The following RBFOX1 variants were observed in gnomAD, a reference collection of about 807,000 sequenced individuals.
RBFOX1 encodes the protein RNA binding fox-1 homolog 1, also known as RNA binding protein fox-1 homolog 1.
RBFOX1 carries 8 observed loss-of-function variants against 57.7 expected under a neutral mutation model. The ratio of observed to expected loss-of-function variants is 0.14; its 90% confidence interval spans 0.08 to 0.25. The LOEUF (loss-of-function observed/expected upper bound fraction) is 0.25, where lower values mean the gene tolerates loss of function less well. RBFOX1 is among the 10% of genes least tolerant of loss of function. The probability of loss-of-function intolerance (pLI) is 1.00; values close to 1 mark genes in which losing one functional copy is unlikely to be tolerated. For synonymous variants in RBFOX1, 326 were observed against 222.4 expected, an observed-to-expected ratio of 1.47 and a Z score of -4.15; for missense variants, 611 against 548.5, an observed-to-expected ratio of 1.11 and a Z score of -1.14.
chr16:5,631,162 A>C (rs1235404988), intron 3 of RBFOX1, among the ~76,000 whole-genome samples: 1 of 152,212 alleles, frequency 6.6e-6, no homozygotes, highest in African/African-American at 2.4e-5. Context: ...AGTATGTCGG[A>C]ATTTGCTCTG....
intron 3 of RBFOX1, among the ~76,000 whole-genome samples, chr16:5,719,160 C>G (rs1053777954): frequency 6.6e-6 from 1 of 151,028 alleles, no homozygotes; most frequent in Admixed American, 6.6e-5. Context: ...CTTAGCGTAT[C>G]TACGGAGTTG....
intron 2 of RBFOX1, among the ~76,000 whole-genome samples, chr16:5,580,787 G>C (rs915482479): frequency 6.6e-6 from 1 of 152,170 alleles, no homozygotes; most frequent in Non-Finnish European, 1.5e-5. Context: ...TCCAGCGAAG[G>C]GCAATCCAGA....
Position 7,374,634 on chromosome 16 carries a change from A to C in RBFOX1, c.28-143513A>C, listed in dbSNP as rs554557140. 1.8e-4 allele frequency among the ~76,000 whole-genome samples: 27 copies of C among 152,194 alleles called. 1 individual carries two copies. The highest frequency in any genetic ancestry group is 2.8e-4 in the Non-Finnish European group (19 of 68,044). ...AAGGGTGATTGTCATGTCCAAACTAAAAACAAAAAAATTAAAAATAAAAAA... is the reference window on the plus strand; with the variant it reads ...AAGGGTGATTGTCATGTCCAAACTACAAACAAAAAAATTAAAAATAAAAAA... On this transcript the variant is annotated intron_variant, in intron 4 of 15. Transcript: ENST00000550418.
chr16:5,530,931 T>TAAAAAAAAAA (rs2044443319), intron 2 of RBFOX1, among the ~76,000 whole-genome samples: 2 of 88,120 alleles, frequency 2.3e-5, no homozygotes, highest in African/African-American at 6.8e-5. Flanking sequence ...CTACTAAAAA[T>TAAAAAAAAAA]ATAAAAAAAA....
chr16:7,655,065 C>T (rs1185017271), intron 12 of RBFOX1, among the ~76,000 whole-genome samples: 1 of 152,252 alleles, frequency 6.6e-6, no homozygotes, highest in South Asian at 2.1e-4. Flanking sequence ...GGGTTAAATG[C>T]CCTTTTCATA....
At chr16:7,224,821 A>G (rs1282112280) in intron 4 of RBFOX1, among the ~76,000 whole-genome samples, 1 of 152,150 alleles carries the variant, frequency 6.6e-6, no homozygotes. Context: ...AACTGTTAGA[A>G]ATGCAGACTG....
intron 11 of RBFOX1, among the ~76,000 whole-genome samples, chr16:7,645,704 G>A (rs1221543909): frequency 6.6e-6 from 1 of 152,156 alleles, no homozygotes; most frequent in Non-Finnish European, 1.5e-5. Context: ...CCTATTCAAT[G>A]CATTTCAAAT....
At chr16:5,783,141 A>C (rs543833003) in intron 3 of RBFOX1, among the ~76,000 whole-genome samples, 1 of 149,960 alleles carries the variant, frequency 6.7e-6, no homozygotes, top group Admixed American at 6.8e-5. Flanking sequence ...AATATTTTTA[A>C]ATTGTGATAC....
intron 2 of RBFOX1, among the ~76,000 whole-genome samples, chr16:6,354,164 G>T (rs1158914098): frequency 1.3e-5 from 2 of 152,108 alleles, no homozygotes; most frequent in African/African-American, 4.8e-5. Flanking sequence ...ATGTTGGAGT[G>T]AGCCGAGATC....
chr16:5,521,209 G>A (rs1223408539), intron 2 of RBFOX1, among the ~76,000 whole-genome samples: 1 of 152,092 alleles, frequency 6.6e-6, no homozygotes, highest in Non-Finnish European at 1.5e-5. Context: ...TTGACACAGA[G>A]GTTTAGTGTC....
intron 3 of RBFOX1, among the ~76,000 whole-genome samples, chr16:6,978,040 C>T (rs570288510): frequency 2.8e-4 from 43 of 152,014 alleles, no homozygotes; most frequent in African/African-American, 9.4e-4. Context: ...CCCCAAGCCC[C>T]GCCCTCCCTC....
Position 7,000,612 on chromosome 16 carries a change from T to G in RBFOX1, c.-15-51445T>G, listed in dbSNP as rs1325415851. 2.9e-3 allele frequency among the ~76,000 whole-genome samples: 402 copies of G among 138,706 alleles called. 3 individuals are homozygous for G. Among genetic ancestry groups the G allele is most frequent in the African/African-American group, 0.011 (384 of 36,216 alleles). The allele number at this position is 138,706 out of a possible 152,430, so 91.0% of individuals were successfully genotyped here. ...TTTTTCTTTCTTTTTTTTTTTTTTT[T>G]TTTTTGAGACAGAGTCTCGCTCTCC... On this transcript the variant is annotated intron_variant, in intron 3 of 15. Coordinates refer to ENST00000550418, the MANE Select transcript of RBFOX1 (RefSeq NM_018723.4).
At chr16:5,458,311 G>A (rs1482557972) in intron 1 of RBFOX1, among the ~76,000 whole-genome samples, 2 of 152,108 alleles carry the variant, frequency 1.3e-5, no homozygotes, top group African/African-American at 2.4e-5. Context: ...ATTTATTAGA[G>A]CTCATGGGAA....
At chr16:6,357,675 G>T (rs2087616449) in intron 2 of RBFOX1, among the ~76,000 whole-genome samples, 1 of 152,048 alleles carries the variant, frequency 6.6e-6, no homozygotes, top group Admixed American at 6.6e-5. Flanking sequence ...GGACACAGAT[G>T]CAGTGGCTCA....
chr16:6,916,036 G>T (rs2073079073), intron 3 of RBFOX1, among the ~76,000 whole-genome samples: 1 of 152,018 alleles, frequency 6.6e-6, no homozygotes, highest in Non-Finnish European at 1.5e-5. Flanking sequence ...TTGACTGGCA[G>T]GAAGACAGAG....
intron 3 of RBFOX1, among the ~76,000 whole-genome samples, chr16:5,795,872 C>G (rs1449894070): frequency 6.6e-6 from 1 of 152,212 alleles, no homozygotes; most frequent in African/African-American, 2.4e-5. Context: ...CTCACAGTCT[C>G]TGTTGCATTT....
intron 13 of RBFOX1, among the ~76,000 whole-genome samples, chr16:7,667,395 A>G (rs981663915): frequency 6.6e-6 from 1 of 152,204 alleles, no homozygotes; most frequent in African/African-American, 2.4e-5. Context: ...CTAGCTAGAA[A>G]TATATCATAA....
At chr16:5,266,721 G>A (rs1372908834) in intron 1 of RBFOX1, among the ~76,000 whole-genome samples, 1 of 151,582 alleles carries the variant, frequency 6.6e-6, no homozygotes, top group Non-Finnish European at 1.5e-5. Context: ...CCTAATTTTT[G>A]TATTTATTTA....
intron 4 of RBFOX1, among the ~76,000 whole-genome samples, chr16:6,005,180 G>A (rs77960836): frequency 1.5e-3 from 229 of 152,242 alleles, no homozygotes; most frequent in African/African-American, 5.2e-3. Context: ...CTTCAAATGC[G>A]GAAGTTTATA....
Sources: allele counts gnomAD v4.1 joint callset (sites outside exome capture counted in the v4.1 genomes callset), GRCh38; gene constraint gnomAD v4.1.1; transcripts MANE v1.5; gene names NCBI Gene and HGNC (gene_info 2026-07-23, HGNC 2026-07-21).